ZRANB3: variants seen among roughly 807,000 people sequenced by gnomAD.
ZRANB3 encodes DNA annealing helicase and endonuclease ZRANB3.
Under a neutral mutation model 133.8 loss-of-function variants are expected in ZRANB3, and 125 were observed. The ratio of observed to expected loss-of-function variants is 0.93; its 90% CI spans 0.81 to 1.08. The LOEUF (loss-of-function observed/expected upper bound fraction) is 1.08. Ranked by LOEUF, ZRANB3 falls within the 50% of genes least tolerant of loss-of-function variation. The pLI is 0.00. For missense variants in ZRANB3, 1,229 were observed against 1,275.5 expected, an observed-to-expected ratio of 0.96 and a Z score of 0.56; for synonymous variants, 387 against 432.7, an observed-to-expected ratio of 0.89 and a Z score of 1.31.
At chr2:135,260,976 T>C (rs1459871221) in intron 12 of ZRANB3, among the ~76,000 whole-genome samples, 2 of 147,434 alleles carry the variant, frequency 1.4e-5, no homozygotes, top group East Asian at 3.9e-4. Flanking sequence ...ATATATTATA[T>C]ACTATATATG....
At chr2:135,434,302 T>G (rs1421375062) in intron 2 of ZRANB3, among the ~76,000 whole-genome samples, 1 of 152,208 alleles carries the variant, frequency 6.6e-6, no homozygotes, top group African/African-American at 2.4e-5. Flanking sequence ...TTGGTGATAC[T>G]CTGGCAGAGG....
At chr2:135,399,735 C>G (rs1029958916) in intron 2 of ZRANB3, among the ~76,000 whole-genome samples, 1 of 152,088 alleles carries the variant, frequency 6.6e-6, no homozygotes, top group African/African-American at 2.4e-5. Flanking sequence ...GTAAGGAATG[C>G]CAATAACATG....
At chr2:135,312,635 C>A (rs886308152) in intron 8 of ZRANB3, among the ~76,000 whole-genome samples, 2 of 151,974 alleles carry the variant, frequency 1.3e-5, no homozygotes, top group East Asian at 1.9e-4. Flanking sequence ...GGGTACTGAA[C>A]ATGGAATATC....
intron 5 of ZRANB3, among the ~76,000 whole-genome samples, chr2:135,346,902 A>AC (rs869183384): frequency 6.6e-6 from 1 of 151,920 alleles, no homozygotes; most frequent in African/African-American, 2.4e-5. Flanking sequence ...TATTTTTATC[A>AC]CCCCCCAAAA....
chr2:135,477,848 G>C (rs140407822), intron 2 of ZRANB3, among the ~76,000 whole-genome samples: 1 of 151,988 alleles, frequency 6.6e-6, no homozygotes, highest in African/African-American at 2.4e-5. Context: ...TATTAGCCAG[G>C]TATGATGGTA....
chr2:135,423,357 C>A (rs1688941786), intron 2 of ZRANB3, among the ~76,000 whole-genome samples: 1 of 152,104 alleles, frequency 6.6e-6, no homozygotes, highest in African/African-American at 2.4e-5. Context: ...TTGCTTGAAC[C>A]CAGGCGGAGG....
intron 10 of ZRANB3, among the ~76,000 whole-genome samples, chr2:135,270,548 C>T (rs1680465275): frequency 6.6e-6 from 1 of 152,164 alleles, no homozygotes; most frequent in African/African-American, 2.4e-5. Flanking sequence ...CTCCCCAGCT[C>T]TAAGTACTTC....
At chr2:135,382,318 C>T (rs527395404) in intron 3 of ZRANB3, among the ~76,000 whole-genome samples, 131 of 152,198 alleles carry the variant, frequency 8.6e-4, no homozygotes, top group Middle Eastern at 3.4e-3. Context: ...AAACGAACAA[C>T]GCCTCCAAGA....
At chr2:135,382,019 A>G (rs1213000307) in intron 3 of ZRANB3, among the ~76,000 whole-genome samples, 4 of 152,214 alleles carry the variant, frequency 2.6e-5, no homozygotes, top group African/African-American at 4.8e-5. Context: ...TTGAGAGAAG[A>G]AGGCTTCAGA....
intron 8 of ZRANB3, 121 bp downstream of exon 8, chr2:135,313,368 A>AG: frequency 1.5e-6 from 1 of 645,496 alleles, no homozygotes; most frequent in Non-Finnish European, 2.5e-6. Context: ...AAAAAAAAAA[A>AG]AAGAGTTAAA....
intron 1 of ZRANB3, chr2:135,511,917 C>T (rs1395697276): frequency 2.6e-6 from 2 of 762,558 alleles, no homozygotes; most frequent in Non-Finnish European, 4.9e-6. Context: ...ACCCAACCAG[C>T]AGGGGACTAG....
intron 1 of ZRANB3, among the ~76,000 whole-genome samples, chr2:135,526,700 T>C (rs1395516189): frequency 6.6e-6 from 1 of 152,212 alleles, no homozygotes; most frequent in Non-Finnish European, 1.5e-5. Flanking sequence ...CCATATTCTA[T>C]AGTGAATCCC....
chr2:135,426,198 C>T (rs572951540), intron 2 of ZRANB3, among the ~76,000 whole-genome samples: 50 of 152,080 alleles, frequency 3.3e-4, no homozygotes, highest in African/African-American at 1.2e-3. Context: ...AATAAAAAGC[C>T]TACCAAGCAG....
At chr2:135,504,286 T>C in intron 2 of ZRANB3, 43 bp downstream of exon 2, 1 of 1,609,560 alleles carries the variant, frequency 6.2e-7, no homozygotes, top group South Asian at 1.1e-5. Flanking sequence ...TAATACACTT[T>C]CCAGGAATTT....
At chr2:135,256,002 C>T (rs1467812309) in intron 12 of ZRANB3, among the ~76,000 whole-genome samples, 3 of 151,586 alleles carry the variant, frequency 2.0e-5, no homozygotes, top group Non-Finnish European at 2.9e-5. Flanking sequence ...CAGACTCGAC[C>T]GCCCTGGGCT....
In ZRANB3 at chr2:135,345,651, T is replaced by A; in HGVS notation, c.592-16A>T. 6.6e-7 allele frequency: 1 copy of A among 1,526,666 alleles called. No homozygotes were observed. Among genetic ancestry groups the A allele is most frequent in the Non-Finnish European group, 9.0e-7 (1 of 1,109,226 alleles). 94.6% of individuals were successfully genotyped at this position (1,526,666 alleles called of 1,614,324 possible). On this transcript the variant is annotated splice_polypyrimidine_tract_variant and intron_variant, in intron 5 of 20. Transcript: ENST00000264159. ...GCATAAAAAGCTATAATAATACAAG[T>A]GTTTGTAGTATGTTGTAATATTTTC... is the stretch of plus-strand genomic sequence containing the variant.
chr2:135,431,109 T>TA lies in ZRANB3; in HGVS notation c.162-40290dup, dbSNP rs1287289398. On this transcript the variant is annotated intron_variant, in intron 2 of 20. Transcript: ENST00000264159. Reference sequence around the variant, plus strand: ...CAGCAATGATGTGAGACTCTATCCCTAAAAAAAAAAAAAATAAATAAATAA... The same window carrying TA: ...CAGCAATGATGTGAGACTCTATCCCTAAAAAAAAAAAAAAATAAATAAATAA... Among the ~76,000 whole-genome samples, 914 of 134,858 alleles carry TA rather than the reference T, an allele frequency of 6.8e-3. 4 individuals are homozygous for TA. Among genetic ancestry groups the TA allele is most frequent in the African/African-American group, 0.017 (646 of 37,304 alleles). 88.5% of individuals were successfully genotyped at this position (134,858 alleles called of 152,430 possible). A position where few individuals can be genotyped will look rare whatever the true frequency, so the allele number is the denominator to read the frequency against.
intron 1 of ZRANB3, among the ~76,000 whole-genome samples, chr2:135,508,589 T>C (rs1693303575): frequency 6.6e-6 from 1 of 152,192 alleles, no homozygotes. Flanking sequence ...TTCAGTTGAA[T>C]TTAAGATTAT....
At chr2:135,346,049 A>G (rs80011941) in intron 5 of ZRANB3, among the ~76,000 whole-genome samples, 163 of 152,318 alleles carry the variant, frequency 1.1e-3, no homozygotes, top group African/African-American at 3.8e-3. Flanking sequence ...AAAAGATTTA[A>G]ACAGACTCGT....
Sources: gnomAD v4.1 joint callset for allele counts (sites outside exome capture counted in the v4.1 genomes callset) on GRCh38, gnomAD v4.1.1 for gene constraint, MANE v1.5 for transcripts, NCBI Gene and HGNC (gene_info 2026-07-23, HGNC 2026-07-21) for gene names.